The following JARID2 variants were observed in gnomAD, a reference collection of about 807,000 sequenced individuals.
JARID2 encodes protein Jumonji.
Under a neutral mutation model 125.6 loss-of-function variants are expected in JARID2, and 21 were observed. The observed-to-expected ratio is 0.17, with a 90% CI of 0.12 to 0.24. The LOEUF (loss-of-function observed/expected upper bound fraction) is 0.24, where lower values mean the gene tolerates loss of function less well. JARID2 is among the 10% of genes least tolerant of loss of function. JARID2 has a pLI of 1.00. For missense variants in JARID2, 1,303 were observed against 1,639.6 expected, an observed-to-expected ratio of 0.79 and a Z score of 3.55; for synonymous variants, 736 against 661.6, an observed-to-expected ratio of 1.11 and a Z score of -1.73.
chr6:15,464,484 G>A (rs1283017610), intron 4 of JARID2, among the ~76,000 whole-genome samples: 1 of 152,198 alleles, frequency 6.6e-6, no homozygotes, highest in East Asian at 1.9e-4. Context: ...TGGTGGATGG[G>A]TGATGGATTG....
chr6:15,510,516 C>G (rs1771225382), intron 12 of JARID2, among the ~76,000 whole-genome samples: 1 of 152,194 alleles, frequency 6.6e-6, no homozygotes, highest in Non-Finnish European at 1.5e-5. Flanking sequence ...CCTTTTCTTA[C>G]ACTTGAGGAC....
chr6:15,269,454 T>C (rs1581347963), intron 1 of JARID2, among the ~76,000 whole-genome samples: 1 of 152,152 alleles, frequency 6.6e-6, no homozygotes, highest in Non-Finnish European at 1.5e-5. Flanking sequence ...CTTGAACTCT[T>C]GGGCTCAAGA....
chr6:15,435,557 C>T (rs944610267), intron 3 of JARID2, among the ~76,000 whole-genome samples: 2 of 152,088 alleles, frequency 1.3e-5, no homozygotes, highest in Middle Eastern at 3.2e-3. Flanking sequence ...GGTCATTTCT[C>T]CTTGGGTAGG....
chr6:15,444,613 A>ATT (rs35141256), intron 3 of JARID2, among the ~76,000 whole-genome samples: 27 of 143,736 alleles, frequency 1.9e-4, no homozygotes, highest in East Asian at 1.8e-3. Context: ...AACACAGGAA[A>ATT]TTTTTTTTTT....
chr6:15,386,359 CAT>C (rs1764787104), intron 2 of JARID2, among the ~76,000 whole-genome samples: 1 of 151,912 alleles, frequency 6.6e-6, no homozygotes, highest in African/African-American at 2.4e-5. Flanking sequence ...TGTGAAACCA[CAT>C]ATCTCCAGTA....
At chr6:15,271,944 G>C (rs888800775) in intron 1 of JARID2, among the ~76,000 whole-genome samples, 1 of 152,212 alleles carries the variant, frequency 6.6e-6, no homozygotes, top group Non-Finnish European at 1.5e-5. Context: ...AGGTTGCAGT[G>C]AGCTGAGATC....
rs934808103 is a variant in JARID2, at chr6:15,397,416, C to T, written c.182-12808C>T. On this transcript the variant is annotated intron_variant, in intron 2 of 17. Transcript: ENST00000341776. ...CTATCATACGACAATCCACACCACC[C>T]TACCCCTCCTTTGCGATTAGTAGTT... Among the ~76,000 whole-genome samples the T allele has an allele frequency of 3.9e-5, 6 of 152,180 alleles. No homozygotes were observed. In the South Asian group the frequency reaches 1.0e-3, roughly 26 times the overall value.
intron 1 of JARID2, among the ~76,000 whole-genome samples, chr6:15,371,293 T>C (rs1764162187): frequency 6.6e-6 from 1 of 152,194 alleles, no homozygotes; most frequent in South Asian, 2.1e-4. Context: ...CAATAAATCG[T>C]CATGGGAATT....
chr6:15,306,334 T>TTTC (rs1561782997), intron 1 of JARID2, among the ~76,000 whole-genome samples: 15 of 133,384 alleles, frequency 1.1e-4, no homozygotes, highest in African/African-American at 3.7e-4. Context: ...ATTTCTTTTT[T>TTTC]TTTTTTTTTT....
chr6:15,470,607 T>G (rs1166735492), intron 5 of JARID2, among the ~76,000 whole-genome samples: 1 of 152,210 alleles, frequency 6.6e-6, no homozygotes, highest in African/African-American at 2.4e-5. Context: ...TAGTAGAGGG[T>G]GCAATCTCTT....
chr6:15,503,968 G>C (rs78568085), intron 8 of JARID2, among the ~76,000 whole-genome samples: 2,829 of 152,348 alleles, frequency 0.019, 96 homozygotes, highest in African/African-American at 0.064. Flanking sequence ...AGGCGACCAG[G>C]TCGCAACCTC....
At chr6:15,507,632 A>G (rs1237323435) in intron 11 of JARID2, among the ~76,000 whole-genome samples, 1 of 152,232 alleles carries the variant, frequency 6.6e-6, no homozygotes, top group African/African-American at 2.4e-5. Flanking sequence ...ACCGCATGGC[A>G]GAGTCTGGAG....
intron 4 of JARID2, among the ~76,000 whole-genome samples, chr6:15,457,010 C>A (rs1390364665): frequency 1.3e-5 from 2 of 151,272 alleles, no homozygotes; most frequent in African/African-American, 2.4e-5. Context: ...CCAGAGACGA[C>A]CGCTGTTAAT....
At chr6:15,312,868 C>G (rs1762059751) in intron 1 of JARID2, among the ~76,000 whole-genome samples, 1 of 152,140 alleles carries the variant, frequency 6.6e-6, no homozygotes, top group Non-Finnish European at 1.5e-5. Context: ...GAGAGATGAT[C>G]CAGCCAGATT....
chr6:15,294,010 T>C (rs1761318674), intron 1 of JARID2, among the ~76,000 whole-genome samples: 1 of 152,242 alleles, frequency 6.6e-6, no homozygotes, highest in African/African-American at 2.4e-5. Context: ...ATTGCCATTT[T>C]CCTTTGTGAC....
chr6:15,510,835 T>C (rs1334729221), intron 12 of JARID2, among the ~76,000 whole-genome samples: 1 of 152,224 alleles, frequency 6.6e-6, no homozygotes, highest in East Asian at 1.9e-4. Flanking sequence ...TGTTCCTGTC[T>C]GGAGGGCCGA....
chr6:15,299,054 T>C lies in JARID2; in HGVS notation c.45+52470T>C, dbSNP rs917416724. ...CTTTGGTGGTGAAATAATTTTGGGG[T>C]GCTTGGGTTCTAAGAGGATCATGGT... On this transcript the variant is annotated intron_variant, in intron 1 of 17. Transcript: ENST00000341776. 2.0e-5 allele frequency among the ~76,000 whole-genome samples: 3 copies of C among 151,346 alleles called. No homozygotes were observed. In the South Asian group the frequency reaches 6.3e-4, roughly 32 times the overall value.
chr6:15,431,487 C>G (rs1005853777), intron 3 of JARID2, among the ~76,000 whole-genome samples: 1 of 152,160 alleles, frequency 6.6e-6, no homozygotes, highest in East Asian at 1.9e-4. Context: ...CTGACAAACA[C>G]CTTGAAGACA....
chr6:15,331,220 A>G (rs1311154501), intron 1 of JARID2, among the ~76,000 whole-genome samples: 2 of 151,980 alleles, frequency 1.3e-5, no homozygotes, highest in African/African-American at 4.8e-5. Context: ...TCTAACCCCA[A>G]CTAGTTGGGT....
Sources: gnomAD v4.1 joint callset for allele counts (sites outside exome capture counted in the v4.1 genomes callset) on GRCh38, gnomAD v4.1.1 for gene constraint, MANE v1.5 for transcripts, NCBI Gene and HGNC (gene_info 2026-07-23, HGNC 2026-07-21) for gene names.